The following MAP2K1 variants were observed in gnomAD, a reference collection of about 807,000 sequenced individuals.
The protein encoded by MAP2K1 is dual specificity mitogen-activated protein kinase kinase 1.
Under a neutral mutation model 46.3 loss-of-function variants are expected in MAP2K1, and 16 were observed. That is an observed-to-expected ratio of 0.35 (90% CI 0.23 to 0.52). The LOEUF is 0.52. Among genes scored for constraint, MAP2K1 ranks in the 20% least tolerant of loss-of-function variants. MAP2K1 has a pLI of 0.94. For synonymous variants in MAP2K1, 183 were observed against 185.6 expected (o/e 0.99, Z 0.11); for missense variants, 263 against 497.1 (o/e 0.53, Z 4.48).
intron 1 of MAP2K1, among the ~76,000 whole-genome samples, chr15:66,428,861 C>A (rs1166633319): frequency 6.8e-6 from 1 of 147,078 alleles, no homozygotes; most frequent in Admixed American, 6.9e-5. Flanking sequence ...CTTACTGCGA[C>A]CTCCGCCTCC....
intron 8 of MAP2K1, 144 bp downstream of exon 8, chr15:66,487,436 C>G: frequency 2.6e-6 from 2 of 769,380 alleles, no homozygotes; most frequent in African/African-American, 1.7e-5. Flanking sequence ...GTGAGGAGTT[C>G]GAGACCAGCC....
intron 5 of MAP2K1, among the ~76,000 whole-genome samples, chr15:66,448,030 G>A (rs1261247886): frequency 6.6e-6 from 1 of 151,738 alleles, no homozygotes; most frequent in Admixed American, 6.6e-5. Flanking sequence ...GCACACGCCT[G>A]TAATCCCAGG....
At chr15:66,449,220 A>C (rs893160761) in intron 5 of MAP2K1, among the ~76,000 whole-genome samples, 2 of 152,196 alleles carry the variant, frequency 1.3e-5, no homozygotes, top group Non-Finnish European at 2.9e-5. Context: ...CCAAAATTAG[A>C]AGCAACAAAA....
At position 66,467,680 on chromosome 15, in the gene MAP2K1, C is replaced by G. The variant is rs1892501418; in HGVS notation, c.569-14075C>G. Among the ~76,000 whole-genome samples the G allele has an allele frequency of 2.0e-5, 3 of 152,172 alleles. No homozygotes were observed. In the South Asian group the frequency reaches 6.2e-4, roughly 32 times the overall value. ...GGTTCCAGTAATTCTCCTGCCTCAG[C>G]TTTCTCAGTAACTGGGATTACAGGT... On this transcript the variant is annotated intron_variant, in intron 5 of 10. Coordinates refer to ENST00000307102, the MANE Select transcript of MAP2K1 (RefSeq NM_002755.4).
intron 5 of MAP2K1, chr15:66,446,766 C>A: frequency 3.2e-6 from 1 of 315,618 alleles, no homozygotes; most frequent in East Asian, 8.1e-5. Flanking sequence ...TGGCCTTGCA[C>A]CACAGCCTTC....
Position 66,490,586 on chromosome 15 carries a change from A to G in MAP2K1, c.1153A>G (p.Ser385Gly). The G allele has an allele frequency of 6.2e-7, 1 of 1,614,180 alleles. No homozygotes were observed. Among genetic ancestry groups the G allele is most frequent in the Non-Finnish European group, 8.5e-7 (1 of 1,180,014 alleles). The change falls in exon 11 of 11, where the codon AGC becomes GGC. Residue 385 changes from serine to glycine, a missense_variant. By Grantham distance (56) the Ser-to-Gly change is moderately conservative (BLOSUM62 0). Coordinates refer to ENST00000307102, the MANE Select transcript of MAP2K1 (RefSeq NM_002755.4). ...LCSTIGLNQP[S>G]TPTHAAGV Reference sequence around the variant, plus strand: ...CTCCACCATCGGCCTTAACCAGCCCAGCACACCAACCCATGCTGCTGGCGT... The same window carrying G: ...CTCCACCATCGGCCTTAACCAGCCCGGCACACCAACCCATGCTGCTGGCGT...
intron 5 of MAP2K1, among the ~76,000 whole-genome samples, chr15:66,459,110 C>T (rs796227862): frequency 6.7e-6 from 1 of 150,304 alleles, no homozygotes; most frequent in Non-Finnish European, 1.5e-5. Flanking sequence ...GTCAGGAGAT[C>T]AAGACCATGC....
chr15:66,468,964 A>AAT lies in MAP2K1; in HGVS notation c.569-12791_569-12790insAT, dbSNP rs1463774667. On this transcript the variant is annotated intron_variant, in intron 5 of 10. Coordinates refer to ENST00000307102, the MANE Select transcript of MAP2K1 (RefSeq NM_002755.4). ...GCAAGACTCCGTCTCAAAAAAAAAA[A>AAT]TTTTTTTTTTTGGCTGAGCACAGTG... Among the ~76,000 whole-genome samples, 612 of 133,114 alleles carry AAT rather than the reference A, an allele frequency of 4.6e-3. 12 individuals carry two copies. Among genetic ancestry groups the AAT allele is most frequent in the Non-Finnish European group, 5.0e-3 (309 of 61,800 alleles). The allele number at this position is 133,114 out of a possible 152,430, so 87.3% of individuals were successfully genotyped here.
At chr15:66,431,125 G>A (rs2093474040) in intron 1 of MAP2K1, among the ~76,000 whole-genome samples, 1 of 152,116 alleles carries the variant, frequency 6.6e-6, no homozygotes, top group Non-Finnish European at 1.5e-5. Flanking sequence ...TTTTGTTTTG[G>A]TTTAGTTTTT....
rs560960655 is a variant in MAP2K1 at position 66,400,709 on chromosome 15, T to C, written c.80+13282T>C. On this transcript the variant is annotated intron_variant, in intron 1 of 10. Transcript: ENST00000307102. ...TCTCCTCCCAAGATGAATAGTGTTT[T>C]GTTTTGAAATAGCAGGTGTTTTCTG... Among the ~76,000 whole-genome samples the C allele has an allele frequency of 2.3e-4, 35 of 152,322 alleles. 1 individual carries two copies. The South Asian group carries it at 7.2e-3, about 32-fold the overall frequency.
At chr15:66,470,082 CT>C (rs1395500248) in intron 5 of MAP2K1, among the ~76,000 whole-genome samples, 443 of 116,126 alleles carry the variant, frequency 3.8e-3, no homozygotes, top group African/African-American at 0.01. Flanking sequence ...CACCATGCCA[CT>C]TTTTTTTCTT....
intron 1 of MAP2K1, among the ~76,000 whole-genome samples, chr15:66,413,911 C>CTT (rs10649963): frequency 0.022 from 2,492 of 111,494 alleles, 34 homozygotes; most frequent in Middle Eastern, 0.05. Context: ...TCTTCTTCTT[C>CTT]TTTTTTTTTT....
chr15:66,466,901 G>A (rs1892482478), intron 5 of MAP2K1, among the ~76,000 whole-genome samples: 2 of 152,102 alleles, frequency 1.3e-5, no homozygotes, highest in Admixed American at 6.6e-5. Flanking sequence ...CTGTTTTGAT[G>A]TCACAGTCTT....
At chr15:66,426,380 A>G (rs1245859318) in intron 1 of MAP2K1, among the ~76,000 whole-genome samples, 1 of 149,078 alleles carries the variant, frequency 6.7e-6, no homozygotes, top group Non-Finnish European at 1.5e-5. Flanking sequence ...AAAAACCTTT[A>G]TAATTACTTG....
At chr15:66,402,867 C>A (rs763119556) in intron 1 of MAP2K1, among the ~76,000 whole-genome samples, 1 of 152,170 alleles carries the variant, frequency 6.6e-6, no homozygotes, top group Non-Finnish European at 1.5e-5. Flanking sequence ...TCTCATCTTG[C>A]GTTGCTCTCA....
intron 5 of MAP2K1, among the ~76,000 whole-genome samples, chr15:66,466,302 C>T (rs1595877235): frequency 6.6e-6 from 1 of 152,214 alleles, no homozygotes; most frequent in East Asian, 1.9e-4. Context: ...AGAATACTCC[C>T]ACATAGTTTC....
At position 66,490,166 on chromosome 15, in the gene MAP2K1, C is replaced by T. The variant is rs1893200405; in HGVS notation, c.1069-336C>T. 5 of 514,754 alleles carry T rather than the reference C, an allele frequency of 9.7e-6. No individual in the cohort carries two copies. In the East Asian group the frequency reaches 1.8e-4, roughly 18 times the overall value. The allele number at this position is 514,754 out of a possible 1,614,324, so 31.9% of individuals were successfully genotyped here. On this transcript the variant is annotated intron_variant, in intron 10 of 10. Transcript: ENST00000307102. ...GTAATACTGTAAATATCTGGACAGC[C>T]ATAGACGGTGTATATAGTATATAAT...
chr15:66,468,927 C>T (rs1892538029), intron 5 of MAP2K1, among the ~76,000 whole-genome samples: 2 of 149,436 alleles, frequency 1.3e-5, no homozygotes, highest in African/African-American at 4.9e-5. Context: ...TGCACTCCAG[C>T]CTGGCAACAG....
chr15:66,408,873 C>T (rs1239990071), intron 1 of MAP2K1, among the ~76,000 whole-genome samples: 1 of 152,196 alleles, frequency 6.6e-6, no homozygotes, highest in Admixed American at 6.5e-5. Flanking sequence ...CAGCGGTCAT[C>T]TGCTCCACCC....
Sources: allele counts gnomAD v4.1 joint callset (sites outside exome capture counted in the v4.1 genomes callset), GRCh38; gene constraint gnomAD v4.1.1; transcripts MANE v1.5; gene names NCBI Gene and HGNC (gene_info 2026-07-23, HGNC 2026-07-21).